The following MYO3B variants were observed in gnomAD, a reference collection of about 807,000 sequenced individuals.
MYO3B encodes the protein myosin-IIIb.
A neutral mutation model predicts 174.6 loss-of-function variants in MYO3B; 156 were observed. That is an observed-to-expected ratio of 0.89 (90% CI 0.78 to 1.02). MYO3B has a LOEUF of 1.02. MYO3B is among the 50% of genes least tolerant of loss of function. The pLI is 0.00. For synonymous variants in MYO3B, 563 were observed against 569.1 expected (o/e 0.99, Z 0.15); for missense variants, 1,632 against 1,639.4 (o/e 1.00, Z 0.08).
At chr2:170,594,827 G>GCACA (rs3047151) in intron 32 of MYO3B, among the ~76,000 whole-genome samples, 1,607 of 135,166 alleles carry the variant, frequency 0.012, 20 homozygotes, top group African/African-American at 0.037. Context: ...CCCAGCGCGC[G>GCACA]CACACACACA....
chr2:170,467,683 T>G (rs1049158513), intron 25 of MYO3B, among the ~76,000 whole-genome samples: 5 of 152,114 alleles, frequency 3.3e-5, no homozygotes, highest in African/African-American at 1.2e-4. Flanking sequence ...TAGTGTCTTT[T>G]TACTTCCACT....
chr2:170,628,128 A>G (rs1696622093), intron 32 of MYO3B, among the ~76,000 whole-genome samples: 1 of 152,166 alleles, frequency 6.6e-6, no homozygotes, highest in African/African-American at 2.4e-5. Context: ...TTGTTTGGCT[A>G]TGACCTGCCT....
intron 25 of MYO3B, among the ~76,000 whole-genome samples, chr2:170,479,614 A>G (rs533096119): frequency 6.8e-6 from 1 of 146,460 alleles, no homozygotes; most frequent in African/African-American, 2.5e-5. Context: ...TATATCTATT[A>G]TATATAAATA....
chr2:170,306,845 T>C (rs1213149353), intron 7 of MYO3B, among the ~76,000 whole-genome samples: 4 of 152,188 alleles, frequency 2.6e-5, no homozygotes, highest in Admixed American at 2.6e-4. Context: ...ATAAAAATCA[T>C]AGGTTCACAT....
chr2:170,353,373 T>G (rs951185771), intron 8 of MYO3B, among the ~76,000 whole-genome samples: 5 of 151,940 alleles, frequency 3.3e-5, no homozygotes, highest in African/African-American at 1.2e-4. Flanking sequence ...ATGGAGACAG[T>G]ATGGAGATCA....
chr2:170,326,288 A>G (rs1485903855), intron 7 of MYO3B, among the ~76,000 whole-genome samples: 1 of 152,204 alleles, frequency 6.6e-6, no homozygotes, highest in Admixed American at 6.5e-5. Context: ...AGAGAACAAC[A>G]TGATCTATTT....
chr2:170,565,168 A>G (rs1386122341), intron 32 of MYO3B, among the ~76,000 whole-genome samples: 1 of 152,218 alleles, frequency 6.6e-6, no homozygotes, highest in African/African-American at 2.4e-5. Context: ...GGATTGAACA[A>G]AAAAGATAGT....
chr2:170,511,770 G>A (rs949798440), intron 28 of MYO3B, among the ~76,000 whole-genome samples: 3 of 152,148 alleles, frequency 2.0e-5, no homozygotes, highest in African/African-American at 7.2e-5. Context: ...CCATCAAGAC[G>A]GAGCAGTCTT....
intron 32 of MYO3B, among the ~76,000 whole-genome samples, chr2:170,639,434 T>C (rs537399130): frequency 6.6e-6 from 1 of 152,324 alleles, no homozygotes; most frequent in South Asian, 2.1e-4. Context: ...GAACTGCCAT[T>C]GTCAAAGATG....
intron 32 of MYO3B, among the ~76,000 whole-genome samples, chr2:170,627,797 G>C (rs1696583647): frequency 6.6e-6 from 1 of 152,226 alleles, no homozygotes. Flanking sequence ...AGGTCTGTTG[G>C]AGTTTGTTGG....
intron 25 of MYO3B, among the ~76,000 whole-genome samples, chr2:170,488,019 T>G (rs936618171): frequency 3.9e-5 from 6 of 152,206 alleles, no homozygotes; most frequent in African/African-American, 1.4e-4. Flanking sequence ...AAATCCAGCC[T>G]CTTTAATCAA....
chr2:170,350,785 C>A (rs1347239860), intron 8 of MYO3B: 1 of 152,178 alleles, frequency 6.6e-6, no homozygotes, highest in Non-Finnish European at 1.5e-5. Flanking sequence ...AGCTTAATAG[C>A]TTCACACTAA....
intron 25 of MYO3B, among the ~76,000 whole-genome samples, chr2:170,490,530 T>A (rs968184713): frequency 8.1e-6 from 1 of 122,932 alleles, no homozygotes; most frequent in Non-Finnish European, 1.6e-5. Flanking sequence ...ATGGATGTTA[T>A]TTTTTTTTTT....
intron 8 of MYO3B, among the ~76,000 whole-genome samples, chr2:170,351,796 G>A (rs1402760002): frequency 1.3e-5 from 2 of 152,158 alleles, no homozygotes; most frequent in Admixed American, 6.5e-5. Context: ...CTAAATTCAT[G>A]GAATAGTCTG....
intron 23 of MYO3B, among the ~76,000 whole-genome samples, chr2:170,459,714 G>A (rs556726369): frequency 3.3e-5 from 5 of 152,270 alleles, no homozygotes; most frequent in South Asian, 2.1e-4. Context: ...GGCTCGGGCC[G>A]CATGGGAACC....
intron 34 of MYO3B, 63 bp downstream of exon 34, chr2:170,652,217 A>T: frequency 6.7e-7 from 1 of 1,483,528 alleles, no homozygotes; most frequent in Non-Finnish European, 9.3e-7. Flanking sequence ...GTGATATTAC[A>T]GAAAATGCAA....
At position 170,552,978 on chromosome 2, in the gene MYO3B, G is replaced by A. The variant is rs146605078; in HGVS notation, c.3733+8990G>A. On this transcript the variant is annotated intron_variant, in intron 32 of 34. Transcript: ENST00000408978. ...AGCCCCAAGCCTTGGTGGCTTCCAC[G>A]TGGTGTTGGGCCTGTGGGTGCACAA... Among the ~76,000 whole-genome samples the A allele has an allele frequency of 8.9e-3, 1,357 of 152,286 alleles. 35 individuals are homozygous for A. Among genetic ancestry groups the A allele is most frequent in the African/African-American group, 0.031 (1,279 of 41,556 alleles).
At chr2:170,651,064 A>G (rs1455006101) in intron 32 of MYO3B, among the ~76,000 whole-genome samples, 1 of 152,080 alleles carries the variant, frequency 6.6e-6, no homozygotes, top group African/African-American at 2.4e-5. Flanking sequence ...TAATCGTGCA[A>G]TCATCCTTTC....
chr2:170,454,321 C>T (rs1683784606), intron 23 of MYO3B, among the ~76,000 whole-genome samples: 1 of 152,112 alleles, frequency 6.6e-6, no homozygotes, highest in Admixed American at 6.5e-5. Flanking sequence ...TCCTAGAATA[C>T]CCACCAAATC....
Sources: gnomAD v4.1 joint callset for allele counts (sites outside exome capture counted in the v4.1 genomes callset) on GRCh38, gnomAD v4.1.1 for gene constraint, MANE v1.5 for transcripts, NCBI Gene and HGNC (gene_info 2026-07-23, HGNC 2026-07-21) for gene names.